Variants in CCDC146 observed in about 807,000 individuals in gnomAD.
CCDC146 encodes the protein coiled-coil domain containing 146, also known as coiled-coil domain-containing protein 146.
In CCDC146, 92 loss-of-function variants were observed where a neutral mutation model predicts 119.3. The ratio of observed to expected loss-of-function variants is 0.77; its 90% confidence interval spans 0.65 to 0.92. CCDC146 has a LOEUF of 0.92. Ranked by LOEUF, CCDC146 falls within the 40% of genes least tolerant of loss-of-function variation. The pLI is 0.00. For missense variants in CCDC146, 1,000 were observed against 1,103.0 expected, an observed-to-expected ratio of 0.91 and a Z score of 1.32; for synonymous variants, 372 against 371.8, an observed-to-expected ratio of 1.00 and a Z score of -0.01.
intron 2 of CCDC146, among the ~76,000 whole-genome samples, chr7:77,232,967 G>C (rs914355521): frequency 2.0e-5 from 3 of 152,182 alleles, no homozygotes; most frequent in Non-Finnish European, 4.4e-5. Context: ...CTGAGCTTCA[G>C]TAGATTTTAT....
Position 77,282,623 on chromosome 7 carries a change from GA to G in CCDC146, c.1988del (p.Lys663ArgfsTer2), listed in dbSNP as rs1462238746. 5.0e-6 allele frequency: 8 copies of G among 1,613,092 alleles called. No homozygotes were observed. Among genetic ancestry groups the G allele is most frequent in the Non-Finnish European group, 5.9e-6 (7 of 1,179,316 alleles). On this transcript the variant is annotated frameshift_variant, in exon 15 of 19. Coordinates refer to ENST00000285871, the MANE Select transcript of CCDC146 (RefSeq NM_020879.3). LOFTEE classifies it high-confidence loss of function. ...TTTATGAAAAAATAAATATCCAAGA[GA>G]AGATGAAACTAAATGGAGAAATTGA... ...IFYEKINIQEKMKLNGEIEIH... is the reference protein window; with the variant it reads ...IFYEKINIQEXMKLNGEIEIH...
intron 1 of CCDC146, among the ~76,000 whole-genome samples, chr7:77,166,443 T>C (rs1419755270): frequency 2.6e-5 from 4 of 151,528 alleles, no homozygotes; most frequent in African/African-American, 4.9e-5. Context: ...TGATCTTGCA[T>C]TTCCCAAGAG....
intron 14 of CCDC146, among the ~76,000 whole-genome samples, chr7:77,281,553 G>A (rs937850168): frequency 6.6e-6 from 1 of 152,164 alleles, no homozygotes; most frequent in African/African-American, 2.4e-5. Flanking sequence ...GTGCTATTCT[G>A]TATAAGGCAT....
chr7:77,247,707 A>G (rs958873910), intron 4 of CCDC146, among the ~76,000 whole-genome samples: 6 of 152,232 alleles, frequency 3.9e-5, no homozygotes, highest in Non-Finnish European at 7.3e-5. Flanking sequence ...TTCATCACTA[A>G]TCAGAGAAAT....
chr7:77,258,364 G>A (rs888213580), intron 6 of CCDC146, among the ~76,000 whole-genome samples: 6 of 152,124 alleles, frequency 3.9e-5, no homozygotes, highest in African/African-American at 1.4e-4. Context: ...GTGGGCAGAC[G>A]GGCCCTGGCT....
chr7:77,199,691 C>T (rs1791948944), intron 2 of CCDC146: 2 of 1,614,172 alleles, frequency 1.2e-6, no homozygotes, highest in African/African-American at 1.3e-5. Context: ...ACATCCTTTG[C>T]TCTTTCATCT....
At chr7:77,231,591 C>T (rs1207237300) in intron 2 of CCDC146, among the ~76,000 whole-genome samples, 1 of 151,930 alleles carries the variant, frequency 6.6e-6, no homozygotes, top group Admixed American at 6.6e-5. Flanking sequence ...TTGAACTCCT[C>T]CAGTGAATTT....
At chr7:77,293,796 TA>T (rs1256642500) in intron 18 of CCDC146, among the ~76,000 whole-genome samples, 24 of 152,206 alleles carry the variant, frequency 1.6e-4, no homozygotes, top group Admixed American at 2.6e-4. Flanking sequence ...AGACTGGAAT[TA>T]GGCATCTCTT....
At chr7:77,193,678 G>A (rs1433776760) in intron 2 of CCDC146, 1 of 152,006 alleles carries the variant, frequency 6.6e-6, no homozygotes, top group Admixed American at 6.6e-5. Context: ...ACTATTATCA[G>A]TAAAATTTGA....
rs928567073 is a variant in CCDC146, at chr7:77,220,130, C to T, written c.157-16817C>T. The stretch of plus-strand genomic sequence containing the variant: ...CAGGAGACCAGGGCCTATTTCATCC[C>T]GTATCTACAACTGCATAAGACAGAC... On this transcript the variant is annotated intron_variant, in intron 2 of 18. Coordinates refer to ENST00000285871, the MANE Select transcript of CCDC146 (RefSeq NM_020879.3). Among the ~76,000 whole-genome samples the T allele has an allele frequency of 3.9e-5, 6 of 152,260 alleles. No homozygotes were observed. In the South Asian group the frequency reaches 1.2e-3, roughly 32 times the overall value.
intron 1 of CCDC146, among the ~76,000 whole-genome samples, chr7:77,159,862 G>A (rs1028570072): frequency 6.6e-6 from 1 of 152,116 alleles, no homozygotes; most frequent in Non-Finnish European, 1.5e-5. Context: ...GTCCTGAATG[G>A]TAATGCCTAG....
chr7:77,149,786 C>T lies in CCDC146; in HGVS notation c.-11-17872C>T, dbSNP rs558606450. The stretch of plus-strand genomic sequence containing the variant: ...TCTCAAAGAAAAAGAAAAAAAAAAG[C>T]GAGAGAGAGAGAGAGAGAGAGAGAC... On this transcript the variant is annotated intron_variant, in intron 1 of 18. Coordinates refer to ENST00000285871, the MANE Select transcript of CCDC146 (RefSeq NM_020879.3). 1.5e-4 allele frequency among the ~76,000 whole-genome samples: 21 copies of T among 136,158 alleles called. No homozygotes were observed. The South Asian group carries it at 4.3e-3, about 28-fold the overall frequency. The allele number at this position is 136,158 out of a possible 152,430, so 89.3% of individuals were successfully genotyped here.
At chr7:77,218,222 T>C (rs757962948) in intron 2 of CCDC146, among the ~76,000 whole-genome samples, 8 of 151,962 alleles carry the variant, frequency 5.3e-5, no homozygotes, top group Non-Finnish European at 1.0e-4. Flanking sequence ...TATGTAGGTA[T>C]GTGTGTATAT....
intron 1 of CCDC146, among the ~76,000 whole-genome samples, chr7:77,147,372 G>A (rs140772171): frequency 0.016 from 2,444 of 152,196 alleles, 65 homozygotes; most frequent in African/African-American, 0.056. Context: ...CCTTTAGCTC[G>A]GAGAAGTTTG....
At chr7:77,293,301 C>A in intron 18 of CCDC146, 101 bp downstream of exon 18, 1 of 1,226,364 alleles carries the variant, frequency 8.2e-7, no homozygotes, top group Non-Finnish European at 1.1e-6. Context: ...TTTCCCCACT[C>A]TACCACACAC....
intron 11 of CCDC146, 54 bp downstream of exon 11, chr7:77,274,706 T>C: frequency 7.2e-7 from 1 of 1,397,382 alleles, no homozygotes; most frequent in East Asian, 2.3e-5. Flanking sequence ...CAGGGTAGCC[T>C]CATTATAATG....
At position 77,256,489 on chromosome 7, in the gene CCDC146, G is replaced by T. The variant is rs558275676; in HGVS notation, c.664G>T (p.Gly222Ter). ...GCAGAAGGAACTAGAAGAATTGTTG[G>T]GACATCAGGTCGTCCTAAAGGTGTG... ...KEQKELEELL[G>*]HQVVLKDEVA... Residue 222 changes from glycine (G) to a stop codon, truncating the protein, a stop_gained, in exon 6 of 19, where the codon GGA becomes TGA. Transcript: ENST00000285871. LOFTEE classifies it high-confidence loss of function. The T allele has an allele frequency of 6.2e-7, 1 of 1,605,918 alleles. No individual in the cohort carries two copies. The highest frequency in any genetic ancestry group is 1.7e-5 in the Admixed American group (1 of 57,620).
intron 1 of CCDC146, among the ~76,000 whole-genome samples, chr7:77,160,586 A>G (rs1791246021): frequency 6.6e-6 from 1 of 152,158 alleles, no homozygotes; most frequent in Non-Finnish European, 1.5e-5. Context: ...TTATTGGTGT[A>G]TAGGAATGCT....
chr7:77,192,879 C>T (rs142844766), intron 2 of CCDC146, among the ~76,000 whole-genome samples: 7,709 of 151,876 alleles, frequency 0.051, 274 homozygotes, highest in Non-Finnish European at 0.074. Context: ...GCCGAGATCT[C>T]GCCATTGCAC....
Sources: gnomAD v4.1 joint callset for allele counts (sites outside exome capture counted in the v4.1 genomes callset) on GRCh38, gnomAD v4.1.1 for gene constraint, MANE v1.5 for transcripts, NCBI Gene and HGNC (gene_info 2026-07-23, HGNC 2026-07-21) for gene names.